The following ZNF85 variants were observed in gnomAD, a reference collection of about 807,000 sequenced individuals.
ZNF85 encodes the protein zinc finger protein 85 (HPF4, HTF1).
Under a neutral mutation model 53.9 loss-of-function variants are expected in ZNF85, and 50 were observed. The observed-to-expected ratio is 0.93, with a 90% CI of 0.74 to 1.17. ZNF85 has a LOEUF of 1.17. ZNF85 is among the 50% of genes most tolerant of loss of function. The pLI is 0.00. For missense variants in ZNF85, 747 were observed against 688.5 expected, an observed-to-expected ratio of 1.08 and a Z score of -0.95; for synonymous variants, 225 against 226.1, an observed-to-expected ratio of 1.00 and a Z score of 0.04.
intron 3 of ZNF85, among the ~76,000 whole-genome samples, chr19:20,947,786 C>A (rs931667593): frequency 2.0e-5 from 3 of 151,470 alleles, no homozygotes; most frequent in African/African-American, 7.3e-5. Context: ...TTTTTCACCT[C>A]CACAATTTCT....
intron 3 of ZNF85, among the ~76,000 whole-genome samples, chr19:20,941,125 T>C (rs536529567): frequency 1.1e-4 from 16 of 152,302 alleles, no homozygotes; most frequent in African/African-American, 3.8e-4. Context: ...TAGTATGAGT[T>C]TTATTTTCAT....
intron 3 of ZNF85, among the ~76,000 whole-genome samples, chr19:20,940,050 G>A (rs1223202056): frequency 6.7e-6 from 1 of 150,316 alleles, no homozygotes; most frequent in Non-Finnish European, 1.5e-5. Context: ...TAGTTATGGA[G>A]ATACTCTTAT....
intron 3 of ZNF85, chr19:20,944,131 T>G (rs1331428878): frequency 6.0e-6 from 1 of 167,442 alleles, no homozygotes; most frequent in African/African-American, 2.4e-5. Flanking sequence ...AATAAATAAT[T>G]TTATGTGTTG....
At chr19:20,924,061 G>A (rs1366281520) in intron 1 of ZNF85, among the ~76,000 whole-genome samples, 1 of 150,480 alleles carries the variant, frequency 6.6e-6, no homozygotes, top group Non-Finnish European at 1.5e-5. Flanking sequence ...CTCCAGCCTG[G>A]GCAATAAGAG....
At position 20,938,832 on chromosome 19, in the gene ZNF85, C is replaced by T. The variant is rs145838504; in HGVS notation, c.229+3785C>T. ...ATATTTGTTTTATATATCAGAGGCTCTAACCATATTCTGCTATATGTGTGT... is the reference window on the plus strand; with the variant it reads ...ATATTTGTTTTATATATCAGAGGCTTTAACCATATTCTGCTATATGTGTGT... On this transcript the variant is annotated intron_variant, in intron 3 of 3. Coordinates refer to ENST00000328178, the MANE Select transcript of ZNF85 (RefSeq NM_003429.5). Among the ~76,000 whole-genome samples, 363 of 151,098 alleles carry T rather than the reference C, an allele frequency of 2.4e-3. 3 individuals are homozygous for T. Among genetic ancestry groups the T allele is most frequent in the African/African-American group, 8.4e-3 (348 of 41,186 alleles).
intron 2 of ZNF85, among the ~76,000 whole-genome samples, chr19:20,934,467 G>A (rs1036633707): frequency 1.3e-5 from 2 of 152,078 alleles, no homozygotes; most frequent in East Asian, 3.9e-4. Flanking sequence ...AATAGTACTG[G>A]ATAGTAAAAT....
chr19:20,947,683 CATGT>C (rs1469524182), intron 3 of ZNF85, among the ~76,000 whole-genome samples: 4 of 151,170 alleles, frequency 2.6e-5, no homozygotes, highest in Non-Finnish European at 5.9e-5. Context: ...TGCACTCATG[CATGT>C]GTTTGTTATA....
chr19:20,946,043 C>CTT (rs4026906), intron 3 of ZNF85, among the ~76,000 whole-genome samples: 10 of 150,040 alleles, frequency 6.7e-5, no homozygotes, highest in South Asian at 2.1e-4. Context: ...ATGCCTCAAA[C>CTT]GTTTTTTTTT....
At chr19:20,923,633 C>G (rs1183434049) in intron 1 of ZNF85, among the ~76,000 whole-genome samples, 4 of 152,194 alleles carry the variant, frequency 2.6e-5, no homozygotes, top group Non-Finnish European at 5.9e-5. Flanking sequence ...TGGACTGGAG[C>G]CCTCTCTGGG....
At chr19:20,943,718 A>G (rs1160691364) in intron 3 of ZNF85, 1 of 152,108 alleles carries the variant, frequency 6.6e-6, no homozygotes, top group South Asian at 2.1e-4. Flanking sequence ...TTATGTTGCT[A>G]TGTATTTCTT....
At chr19:20,940,401 TTGGTG>T (rs775006949) in intron 3 of ZNF85, among the ~76,000 whole-genome samples, 22 of 152,080 alleles carry the variant, frequency 1.4e-4, no homozygotes, top group Non-Finnish European at 2.8e-4. Flanking sequence ...GCCTGGCATT[TTGGTG>T]TGCACTTGTG....
At chr19:20,935,889 G>A (rs1042496364) in intron 3 of ZNF85, among the ~76,000 whole-genome samples, 1 of 151,826 alleles carries the variant, frequency 6.6e-6, no homozygotes, top group African/African-American at 2.4e-5. Flanking sequence ...GAATCTATAG[G>A]TTACTTTGTA....
chr19:20,948,764 C>G lies in ZNF85; in HGVS notation c.250C>G (p.Gln84Glu), dbSNP rs1224311662. 3.8e-6 allele frequency: 6 copies of G among 1,567,772 alleles called. No homozygotes were observed. Among genetic ancestry groups the G allele is most frequent in the Middle Eastern group, 1.7e-4 (1 of 5,838 alleles). ...TTCAGTTATGTGTTCTCATTTTGCCCAAGACCTTTGGCCGGAGCAGAATAT... is the reference window on the plus strand; with the variant it reads ...TTCAGTTATGTGTTCTCATTTTGCCGAAGACCTTTGGCCGGAGCAGAATAT... The part of the protein sequence containing the change: ...KPTVMCSHFA[Q>E]DLWPEQNIKD... Residue 84 changes from glutamine (Q) to glutamate (E), a missense_variant, in exon 4 of 4, where the codon CAA becomes GAA. Coordinates refer to ENST00000328178, the MANE Select transcript of ZNF85 (RefSeq NM_003429.5).
rs1215471253 is a variant in ZNF85 at position 20,949,735 on chromosome 19, T to G, written c.1221T>G (p.Phe407Leu). Residue 407 changes from phenylalanine (F) to leucine (L), a missense_variant, in exon 4 of 4, where the codon TTT (phenylalanine) becomes TTG (leucine). By Grantham distance (22) the Phe-to-Leu change is conservative (BLOSUM62 0). Coordinates refer to ENST00000328178, the MANE Select transcript of ZNF85 (RefSeq NM_003429.5). Reference sequence around the variant, plus strand: ...AATGTAAAGAATGTGGTAAAGCTTTTAAACACTCTTCAACCCTTACTAAAC... The same window carrying G: ...AATGTAAAGAATGTGGTAAAGCTTTGAAACACTCTTCAACCCTTACTAAAC... ...PYKCKECGKAFKHSSTLTKHK... is the reference protein window; with the variant it reads ...PYKCKECGKALKHSSTLTKHK... 2.5e-6 allele frequency: 4 copies of G among 1,612,744 alleles called. No homozygotes were observed. In the South Asian group the frequency reaches 3.3e-5, roughly 13 times the overall value.
At chr19:20,938,222 A>G (rs62124028) in intron 3 of ZNF85, among the ~76,000 whole-genome samples, 18,345 of 152,046 alleles carry the variant, frequency 0.12, 1,274 homozygotes, top group Middle Eastern at 0.17. Flanking sequence ...GGCACACACC[A>G]CCACACAGGG....
chr19:20,949,293 G>T lies in ZNF85; in HGVS notation c.779G>T (p.Cys260Phe). 1 of 1,608,904 alleles carries T rather than the reference G, an allele frequency of 6.2e-7. No individual in the cohort carries two copies. ...KIHTGEKPYK[C>F]EECGKTFNRF... is the part of the protein sequence containing the mutation. ...CATACTGGAGAGAAACCCTACAAAT[G>T]TGAAGAATGTGGCAAAACTTTTAAC... Residue 260 changes from cysteine (C) to phenylalanine (F), a missense_variant, in exon 4 of 4, where the codon TGT becomes TTT. Physicochemically the swap from Cys to Phe is radical, Grantham distance 205 (BLOSUM62 -2). Coordinates refer to ENST00000328178, the MANE Select transcript of ZNF85 (RefSeq NM_003429.5).
intron 3 of ZNF85, among the ~76,000 whole-genome samples, chr19:20,947,358 G>T: frequency 6.6e-6 from 1 of 151,490 alleles, no homozygotes; most frequent in African/African-American, 2.4e-5. Context: ...TAATGCTAAG[G>T]AATTCTAATT....
intron 3 of ZNF85, 75 bp downstream of exon 3, chr19:20,935,122 A>G: frequency 1.1e-6 from 1 of 951,774 alleles, no homozygotes; most frequent in Non-Finnish European, 1.6e-6. Flanking sequence ...CCAGTCCTTA[A>G]AATGTGATTT....
rs55637671 is a variant in ZNF85, at chr19:20,950,463, C to A, written c.*161C>A. On this transcript the variant is annotated 3_prime_UTR_variant, in exon 4 of 4. Transcript: ENST00000328178. Reference sequence around the variant, plus strand: ...GTGAGAAATTCTAAAAATGTGAAGACTATGGCAAAGTCTTTAAATGGTTGT... The same window carrying A: ...GTGAGAAATTCTAAAAATGTGAAGAATATGGCAAAGTCTTTAAATGGTTGT... 60,967 of 534,680 alleles carry A rather than the reference C, an allele frequency of 0.11. 3,885 individuals are homozygous for A. Among genetic ancestry groups the A allele is most frequent in the Non-Finnish European group, 0.13 (39,902 of 318,874 alleles). 33.1% of individuals were successfully genotyped at this position (534,680 alleles called of 1,614,324 possible). A position where few individuals can be genotyped will look rare whatever the true frequency, so the allele number is the denominator to read the frequency against.
Sources: allele counts gnomAD v4.1 joint callset (sites outside exome capture counted in the v4.1 genomes callset), GRCh38; gene constraint gnomAD v4.1.1; transcripts MANE v1.5; gene names NCBI Gene and HGNC (gene_info 2026-07-23, HGNC 2026-07-21).